Variants in TAGLN3 observed in about 807,000 individuals in gnomAD.
The protein encoded by TAGLN3 is transgelin 3.
In TAGLN3, 12 loss-of-function variants were observed where a neutral mutation model predicts 25.4. The ratio of observed to expected loss-of-function variants is 0.47; its 90% confidence interval spans 0.30 to 0.77. The LOEUF (loss-of-function observed/expected upper bound fraction) is 0.77. TAGLN3 is among the 30% of genes least tolerant of loss of function. The probability of loss-of-function intolerance (pLI) is 0.06; values close to 1 mark genes in which losing one functional copy is unlikely to be tolerated. For synonymous variants in TAGLN3, 96 were observed against 94.8 expected (o/e 1.01, Z -0.08); for missense variants, 218 against 255.8 (o/e 0.85, Z 1.01).
At chr3:112,011,357 C>A (rs1029969126) in intron 3 of TAGLN3, among the ~76,000 whole-genome samples, 2 of 152,168 alleles carry the variant, frequency 1.3e-5, no homozygotes, top group Non-Finnish European at 2.9e-5. Context: ...TGTTTTCAAG[C>A]GGCACAAAAT....
In TAGLN3 at chr3:112,013,432, G is replaced by A; in HGVS notation, c.481G>A (p.Gly161Ser). 1 of 1,613,664 alleles carries A rather than the reference G, an allele frequency of 6.2e-7. No homozygotes were observed. Among genetic ancestry groups the A allele is most frequent in the Non-Finnish European group, 8.5e-7 (1 of 1,179,644 alleles). The change falls in exon 5 of 5, where the codon GGC becomes AGC. Residue 161 changes from glycine to serine, a missense_variant. By Grantham distance (56) the Gly-to-Ser change is moderately conservative. Transcript: ENST00000478951. ...CAGGAAAGCCCAGCAGAATCGGAGA[G>A]GCTTTTCCGAGGAGCAGCTTCGCCA... Reference protein sequence around the residue: ...FHRKAQQNRRGFSEEQLRQGQ... With the variant: ...FHRKAQQNRRSFSEEQLRQGQ...
In TAGLN3 at chr3:111,999,432, A is replaced by G. The variant is rs755849701; in HGVS notation, c.10A>G (p.Arg4Gly). The G allele has an allele frequency of 2.5e-6, 4 of 1,613,950 alleles. No individual in the cohort carries two copies. In the Admixed American group the frequency reaches 6.7e-5, roughly 27 times the overall value. Residue 4 changes from arginine to glycine, a missense_variant, in exon 2 of 5, where the codon AGG (arginine) becomes GGG (glycine). Transcript: ENST00000478951. MAN[R>G]GPSYGLSREV... Reference sequence around the variant, plus strand: ...TCTCTTCTTTCCAGAGATGGCTAACAGGGGCCCGAGCTATGGCTTAAGCCG... The same window carrying G: ...TCTCTTCTTTCCAGAGATGGCTAACGGGGGCCCGAGCTATGGCTTAAGCCG...
chr3:112,002,191 AT>A (rs1259181587), intron 3 of TAGLN3, among the ~76,000 whole-genome samples: 1 of 152,094 alleles, frequency 6.6e-6, no homozygotes, highest in African/African-American at 2.4e-5. Flanking sequence ...AACTATGATG[AT>A]TTTTTCTAGC....
chr3:112,012,518 A>G (rs1448536146), intron 4 of TAGLN3, among the ~76,000 whole-genome samples: 3 of 151,882 alleles, frequency 2.0e-5, no homozygotes, highest in Non-Finnish European at 4.4e-5. Flanking sequence ...TAGGGTAGGC[A>G]GGAAGCTTAA....
intron 2 of TAGLN3, among the ~76,000 whole-genome samples, chr3:111,999,851 C>A (rs975552667): frequency 6.6e-6 from 1 of 152,140 alleles, no homozygotes; most frequent in African/African-American, 2.4e-5. Context: ...AAATTCGAAG[C>A]CCTTTTGATT....
rs1164397536 is a variant in TAGLN3, at chr3:112,013,716, C to G, written c.*165C>G. On this transcript the variant is annotated 3_prime_UTR_variant, in exon 5 of 5. Coordinates refer to ENST00000478951, the MANE Select transcript of TAGLN3 (RefSeq NM_001008272.2). ...CGCCGAGAATCCGCGTTGCCTACTG[C>G]TGCCACCTCCTGTTCATTTAGAACT... is the stretch of plus-strand genomic sequence containing the variant. 3.2e-6 allele frequency: 3 copies of G among 945,084 alleles called. No individual in the cohort carries two copies. The highest frequency in any genetic ancestry group is 2.0e-5 in the Admixed American group (1 of 49,914). The allele number at this position is 945,084 out of a possible 1,614,324, so 58.5% of individuals were successfully genotyped here.
At chr3:112,004,278 C>T (rs1011735975) in intron 3 of TAGLN3, among the ~76,000 whole-genome samples, 1 of 152,150 alleles carries the variant, frequency 6.6e-6, no homozygotes, top group African/African-American at 2.4e-5. Context: ...AGGGGTGGGG[C>T]CATCTCAGCT....
intron 4 of TAGLN3, 134 bp from the exon 5 acceptor site, chr3:112,013,261 AGAGTAGGGCCATAGC>A: frequency 9.9e-7 from 1 of 1,010,910 alleles, no homozygotes. Flanking sequence ...GCCATAGCTC[AGAGTAGGGCCATAGC>A]TCATAACCAC....
intron 1 of TAGLN3, 24 bp downstream of exon 1, chr3:111,999,138 G>T (rs1007128132): frequency 1.5e-5 from 5 of 327,550 alleles, no homozygotes; most frequent in African/African-American, 4.2e-5. Flanking sequence ...ATATCATCTG[G>T]TCTCATTGAT....
intron 4 of TAGLN3, among the ~76,000 whole-genome samples, chr3:112,012,634 A>G (rs80111399): frequency 0.056 from 8,432 of 151,914 alleles, 427 homozygotes; most frequent in East Asian, 0.17. Context: ...AAAAAAAGTT[A>G]CCAGCTTATG....
intron 4 of TAGLN3, among the ~76,000 whole-genome samples, chr3:112,012,364 G>C (rs1411141026): frequency 1.3e-5 from 2 of 150,772 alleles, no homozygotes; most frequent in Non-Finnish European, 1.5e-5. Context: ...GTTTGGAACA[G>C]TCATGGTTAA....
chr3:111,999,586 G>A lies in TAGLN3; in HGVS notation c.164G>A (p.Trp55Ter). Residue 55 changes from tryptophan (W) to a stop codon, truncating the protein, a stop_gained, in exon 2 of 5, where the codon TGG becomes TAG. Transcript: ENST00000478951. LOFTEE classifies it high-confidence loss of function. ...PPPGRAHFQK[W>*]LMDGTVLCKL... ...CCCGGCAGGGCCCATTTTCAGAAATGGTTAATGGACGGGACGGTAAGGCCG... is the reference window on the plus strand; with the variant it reads ...CCCGGCAGGGCCCATTTTCAGAAATAGTTAATGGACGGGACGGTAAGGCCG... The A allele has an allele frequency of 6.2e-7, 1 of 1,614,036 alleles. No individual in the cohort carries two copies. The highest frequency in any genetic ancestry group is 8.5e-7 in the Non-Finnish European group (1 of 1,179,962).
intron 3 of TAGLN3, among the ~76,000 whole-genome samples, chr3:112,007,536 A>G (rs1297370127): frequency 6.6e-6 from 1 of 151,932 alleles, no homozygotes; most frequent in Admixed American, 6.6e-5. Flanking sequence ...AGATAACCAG[A>G]CTCTATCTCA....
chr3:112,004,163 G>T (rs2072891729), intron 3 of TAGLN3, among the ~76,000 whole-genome samples: 1 of 152,094 alleles, frequency 6.6e-6, no homozygotes, highest in Admixed American at 6.6e-5. Flanking sequence ...GAAGTAGGGT[G>T]GCTTAGAGGA....
chr3:111,999,186 C>G (rs1043950687), intron 1 of TAGLN3, 72 bp downstream of exon 1: 3 of 446,056 alleles, frequency 6.7e-6, no homozygotes, highest in African/African-American at 3.9e-5. Flanking sequence ...CCCCCTGGAC[C>G]GGCCGGAGGT....
intron 4 of TAGLN3, among the ~76,000 whole-genome samples, chr3:112,012,175 A>G (rs1358749212): frequency 2.0e-5 from 3 of 151,388 alleles, no homozygotes; most frequent in African/African-American, 7.3e-5. Flanking sequence ...ACTTGGCTTT[A>G]TTATGACTTA....
rs766760266 is a variant in TAGLN3 at position 112,000,920 on chromosome 3, T to G, written c.329T>G (p.Ile110Ser). The G allele has an allele frequency of 6.2e-7, 1 of 1,614,134 alleles. No homozygotes were observed. Among genetic ancestry groups the G allele is most frequent in the Non-Finnish European group, 8.5e-7 (1 of 1,180,022 alleles). Residue 110 changes from isoleucine (I) to serine (S), a missense_variant, in exon 3 of 5, where the codon ATC becomes AGC. By Grantham distance (142) the Ile-to-Ser change is moderately radical. Transcript: ENST00000478951. ...AETYGVRTTD[I>S]FQTVDLWEGK... ...ACCTATGGTGTCAGAACCACCGACATCTTTCAGACGGTGGATCTATGGGAA... is the reference window on the plus strand; with the variant it reads ...ACCTATGGTGTCAGAACCACCGACAGCTTTCAGACGGTGGATCTATGGGAA...
At position 112,009,136 on chromosome 3, in the gene TAGLN3, A is replaced by G. The variant is rs566000590; in HGVS notation, c.356-2627A>G. Among the ~76,000 whole-genome samples the G allele has an allele frequency of 1.1e-4, 17 of 152,282 alleles. No individual in the cohort carries two copies. In the South Asian group the frequency reaches 3.5e-3, roughly 32 times the overall value. On this transcript the variant is annotated intron_variant, in intron 3 of 4. Coordinates refer to ENST00000478951, the MANE Select transcript of TAGLN3 (RefSeq NM_001008272.2). The stretch of plus-strand genomic sequence containing the variant: ...GTCAGCACCAAGCCATTCATGAGGG[A>G]TCTGCCCTCACGACCCAAACACCTC...
chr3:112,003,575 G>C (rs565912172), intron 3 of TAGLN3, among the ~76,000 whole-genome samples: 1 of 152,294 alleles, frequency 6.6e-6, no homozygotes, highest in South Asian at 2.1e-4. Flanking sequence ...TAGACTAGCT[G>C]TTTGCTTAGC....
Sources: allele counts gnomAD v4.1 joint callset (sites outside exome capture counted in the v4.1 genomes callset), GRCh38; gene constraint gnomAD v4.1.1; transcripts MANE v1.5; gene names NCBI Gene and HGNC (gene_info 2026-07-23, HGNC 2026-07-21).